SPATA20: variants seen among roughly 807,000 people sequenced by gnomAD.
The protein encoded by SPATA20 is spermatogenesis-associated protein 20.
A neutral mutation model predicts 98.9 loss-of-function variants in SPATA20; 74 were observed. The observed-to-expected ratio is 0.75, with a 90% CI of 0.62 to 0.91. The LOEUF (loss-of-function observed/expected upper bound fraction) is 0.91. Among genes scored for constraint, SPATA20 ranks in the 40% least tolerant of loss-of-function variants. The pLI is 0.00. For missense variants in SPATA20, 1,016 were observed against 1,069.8 expected (o/e 0.95, Z 0.70); for synonymous variants, 430 against 440.5 (o/e 0.98, Z 0.30).
Position 50,555,305 on chromosome 17 carries a change from C to T in SPATA20, c.2231C>T (p.Pro744Leu), listed in dbSNP as rs748963421. ...LVQCVHSVYIPNKVLILADGD... is the reference protein window; with the variant it reads ...LVQCVHSVYILNKVLILADGD... Reference sequence around the variant, plus strand: ...CAGTGCGTCCACTCTGTCTACATTCCTAACAAGGTACCCATCCCTGTGAGC... The same window carrying T: ...CAGTGCGTCCACTCTGTCTACATTCTTAACAAGGTACCCATCCCTGTGAGC... Residue 744 changes from proline to leucine, a missense_variant, in exon 16 of 17, where the codon CCT (proline) becomes CTT (leucine). Pro to Leu is a moderately conservative substitution (Grantham distance 98, BLOSUM62 -3). Coordinates refer to ENST00000006658, the MANE Select transcript of SPATA20 (RefSeq NM_022827.4). The T allele has an allele frequency of 5.6e-6, 9 of 1,613,970 alleles. No homozygotes were observed. In the South Asian group the frequency reaches 9.9e-5, roughly 18 times the overall value.
intron 15 of SPATA20, 25 bp from the exon 16 acceptor site, chr17:50,555,207 G>A (rs770745848): frequency 5.0e-5 from 80 of 1,608,150 alleles, no homozygotes; most frequent in East Asian, 1.6e-4. Context: ...CTGACACACC[G>A]GAGTGACCTT....
rs1251132119 is a variant in SPATA20 at position 50,550,779 on chromosome 17, C to G, written c.1245C>G (p.Ala415=). 6.2e-7 allele frequency: 1 copy of G among 1,613,160 alleles called. No individual in the cohort carries two copies. Among genetic ancestry groups the G allele is most frequent in the Non-Finnish European group, 8.5e-7 (1 of 1,180,034 alleles). Residue 415 remains alanine (A), a synonymous_variant, in exon 11 of 17, where the codon GCC becomes GCG. Transcript: ENST00000006658. ...PERGQRPKEG[A]YYVWTVKEVQ... is the part of the protein sequence containing the mutation. ...GGGGCCAGCGGCCCAAAGAGGGCGC[C>G]TACTATGTGTGGACGGTCAAAGAGG...
At position 50,547,200 on chromosome 17, in the gene SPATA20, C is replaced by T; in HGVS notation, c.-9C>T. ...TCCTCAGCGGCCGGGCCCACGGCCC[C>T]GAGCAGCCATGCTGGGCGCGCGGGC... On this transcript the variant is annotated 5_prime_UTR_variant, in exon 1 of 17. Coordinates refer to ENST00000006658, the MANE Select transcript of SPATA20 (RefSeq NM_022827.4). The T allele has an allele frequency of 7.0e-7, 1 of 1,426,036 alleles. No homozygotes were observed. The highest frequency in any genetic ancestry group is 1.4e-5 in the South Asian group (1 of 69,188). The allele number at this position is 1,426,036 out of a possible 1,614,324, so 88.3% of individuals were successfully genotyped here. A position where few individuals can be genotyped will look rare whatever the true frequency, so the allele number is the denominator to read the frequency against.
At position 50,551,460 on chromosome 17, in the gene SPATA20, C is replaced by T. The variant is rs1282337940; in HGVS notation, c.1577-51C>T. 1.9e-6 allele frequency: 3 copies of T among 1,560,508 alleles called. No individual in the cohort carries two copies. The Admixed American group carries it at 5.2e-5, about 27-fold the overall frequency. ...GCCTAAGGTGATAGGGTGGACATGC[C>T]TGGAGGGTCCTGGCCAGCTTCTTAC... is the stretch of plus-strand genomic sequence containing the variant. On this transcript the variant is annotated intron_variant, in intron 12 of 16. Transcript: ENST00000006658.
At chr17:50,550,421 A>G (rs1349540435) in intron 9 of SPATA20, 109 bp downstream of exon 9, 2 of 1,358,496 alleles carry the variant, frequency 1.5e-6, no homozygotes, top group Non-Finnish European at 2.1e-6. Context: ...GTTCCCTCCC[A>G]TGTACCCACT....
Position 50,548,375 on chromosome 17 carries a change from C to T in SPATA20, c.218C>T (p.Thr73Ile), listed in dbSNP as rs761479715. Reference sequence around the variant, plus strand: ...GGGAAAGGAAGCCATCCTTCATCTACACCCCAGAGGGTCCCCAACCGCCTG... The same window carrying T: ...GGGAAAGGAAGCCATCCTTCATCTATACCCCAGAGGGTCCCCAACCGCCTG... ...AGGKGSHPSS[T>I]PQRVPNRLIH... The change falls in exon 3 of 17, where the codon ACA (threonine) becomes ATA (isoleucine). Residue 73 changes from threonine (T) to isoleucine (I), a missense_variant. Coordinates refer to ENST00000006658, the MANE Select transcript of SPATA20 (RefSeq NM_022827.4). 7 of 1,613,914 alleles carry T rather than the reference C, an allele frequency of 4.3e-6. No homozygotes were observed. The highest frequency in any genetic ancestry group is 3.3e-5 in the Admixed American group (2 of 59,982).
intron 15 of SPATA20, among the ~76,000 whole-genome samples, chr17:50,554,928 T>TGTGTGA (rs2035083719): frequency 7.9e-6 from 1 of 126,378 alleles, no homozygotes; most frequent in South Asian, 2.4e-4. Flanking sequence ...TGTGTGTGTG[T>TGTGTGA]GACTACTCTG....
rs766003758 is a variant in SPATA20, at chr17:50,550,260, A to G, written c.1046A>G (p.Lys349Arg). Residue 349 changes from lysine (K) to arginine (R), a missense_variant, in exon 9 of 17, where the codon AAG (lysine) becomes AGG (arginine). Physicochemically the swap from Lys to Arg is conservative, Grantham distance 26. Coordinates refer to ENST00000006658, the MANE Select transcript of SPATA20 (RefSeq NM_022827.4). Reference protein sequence around the residue: ...DRQWHVPHFEKMLYDQAQLAV... With the variant: ...DRQWHVPHFERMLYDQAQLAV... ...CAGTGGCACGTCCCTCACTTTGAGA[A>G]GATGCTCTATGACCAGGCACAGCTC... The G allele has an allele frequency of 3.7e-6, 6 of 1,610,036 alleles. No individual in the cohort carries two copies. In the East Asian group the frequency reaches 8.9e-5, roughly 24 times the overall value.
At chr17:50,554,472 G>A in intron 15 of SPATA20, 22 bp downstream of exon 15, 1 of 1,605,530 alleles carries the variant, frequency 6.2e-7, no homozygotes, top group South Asian at 1.1e-5. Context: ...GGGCATCTGG[G>A]CTGGGACCTC....
chr17:50,554,507 G>C (rs991278115), intron 15 of SPATA20, 57 bp downstream of exon 15: 2 of 1,548,570 alleles, frequency 1.3e-6, no homozygotes, highest in South Asian at 1.1e-5. Flanking sequence ...TTGGGGCTGC[G>C]ATGGCAGATG....
In SPATA20 at chr17:50,548,226, G is replaced by A. The variant is rs1171135899; in HGVS notation, c.126-57G>A. The A allele has an allele frequency of 3.2e-6, 5 of 1,585,104 alleles. No homozygotes were observed. In the Admixed American group the frequency reaches 5.3e-5, roughly 17 times the overall value. On this transcript the variant is annotated intron_variant, in intron 2 of 16. Transcript: ENST00000006658. ...AGTGAAATGGAGCAGGTGCTGGGGG[G>A]CCTGGGAGAAGGTGGGTGGAGGCCC...
Position 50,547,222 on chromosome 17 carries a change from G to A in SPATA20, c.14G>A (p.Arg5Gln), listed in dbSNP as rs1167048028. MLGA[R>Q]AWLGRVLLLP... ...CCCCGAGCAGCCATGCTGGGCGCGC[G>A]GGCCTGGTTGGGCCGCGTCCTTCTG... The change falls in exon 1 of 17, where the codon CGG (arginine) becomes CAG (glutamine). Residue 5 changes from arginine to glutamine, a missense_variant. Coordinates refer to ENST00000006658, the MANE Select transcript of SPATA20 (RefSeq NM_022827.4). The A allele has an allele frequency of 1.4e-6, 2 of 1,411,772 alleles. No homozygotes were observed. The highest frequency in any genetic ancestry group is 1.5e-5 in the South Asian group (1 of 65,900). The allele number at this position is 1,411,772 out of a possible 1,614,324, so 87.5% of individuals were successfully genotyped here. A position where few individuals can be genotyped will look rare whatever the true frequency, so the allele number is the denominator to read the frequency against.
Position 50,550,587 on chromosome 17 carries a change from G to A in SPATA20, c.1150G>A (p.Val384Met), listed in dbSNP as rs868554895. The change falls in exon 10 of 17, where the codon GTG becomes ATG. Residue 384 changes from valine to methionine, a missense_variant. Coordinates refer to ENST00000006658, the MANE Select transcript of SPATA20 (RefSeq NM_022827.4). ...CGTGGCCAAAGGCATCCTGCAGTAC[G>A]TGGCTCGGAGCCTGAGCCACCGGGT... ...SDVAKGILQYVARSLSHRSGG... is the reference protein window; with the variant it reads ...SDVAKGILQYMARSLSHRSGG... The A allele has an allele frequency of 2.7e-5, 44 of 1,614,038 alleles. No homozygotes were observed. The highest frequency in any genetic ancestry group is 1.6e-4 in the Middle Eastern group (1 of 6,084).
At chr17:50,553,463 G>A (rs1180230457) in intron 14 of SPATA20, among the ~76,000 whole-genome samples, 1 of 152,220 alleles carries the variant, frequency 6.6e-6, no homozygotes, top group Non-Finnish European at 1.5e-5. Flanking sequence ...TGACAGGCCT[G>A]GTGCAGGCAG....
At position 50,555,582 on chromosome 17, in the gene SPATA20, A is replaced by T. The variant is rs1352067563; in HGVS notation, c.2329A>T (p.Thr777Ser). 1 of 1,614,014 alleles carries T rather than the reference A, an allele frequency of 6.2e-7. No homozygotes were observed. The change falls in exon 17 of 17, where the codon ACT (threonine) becomes TCT (serine). Residue 777 changes from threonine to serine, a missense_variant. By Grantham distance (58) the Thr-to-Ser change is moderately conservative. Coordinates refer to ENST00000006658, the MANE Select transcript of SPATA20 (RefSeq NM_022827.4). ...CCTCCGACGGTTGGAAGACCAGGCC[A>T]CTGCATATGTGTGTGAGAATCAAGC... is the stretch of plus-strand genomic sequence containing the variant. The part of the protein sequence containing the change: ...STLRRLEDQA[T>S]AYVCENQACS...
chr17:50,551,591 A>G lies in SPATA20; in HGVS notation c.1657A>G (p.Lys553Glu). 6.2e-7 allele frequency: 1 copy of G among 1,608,046 alleles called. No homozygotes were observed. Among genetic ancestry groups the G allele is most frequent in the Non-Finnish European group, 8.5e-7 (1 of 1,175,232 alleles). The change falls in exon 13 of 17, where the codon AAG becomes GAG. Residue 553 changes from lysine (K) to glutamate (E), a missense_variant. Lys to Glu is a moderately conservative substitution (Grantham distance 56, BLOSUM62 1). Coordinates refer to ENST00000006658, the MANE Select transcript of SPATA20 (RefSeq NM_022827.4). ...RLINYATNGA[K>E]FLKRHMFDVA... ...GATCAACTATGCCACCAATGGTGCCAAGTTCCTGAAGCGGCACATGTTTGA... is the reference window on the plus strand; with the variant it reads ...GATCAACTATGCCACCAATGGTGCCGAGTTCCTGAAGCGGCACATGTTTGA...
rs754379589 is a variant in SPATA20 at position 50,548,960 on chromosome 17, T to G, written c.512T>G (p.Val171Gly). Residue 171 changes from valine to glycine, a missense_variant, in exon 5 of 17, where the codon GTG (valine) becomes GGG (glycine). By Grantham distance (109) the Val-to-Gly change is moderately radical. Transcript: ENST00000006658. ...PDVDKVYMTF[V>G]QATSSGGGWP... ...GTGGACAAGGTGTACATGACGTTCG[T>G]GCAGGTGAGCAGCCCTCCTCGGGAG... The G allele has an allele frequency of 6.2e-7, 1 of 1,614,142 alleles. No individual in the cohort carries two copies. Among genetic ancestry groups the G allele is most frequent in the Non-Finnish European group, 8.5e-7 (1 of 1,180,008 alleles).
chr17:50,549,210 G>T (rs749775090), intron 6 of SPATA20, 24 bp downstream of exon 6: 2 of 1,594,018 alleles, frequency 1.3e-6, no homozygotes, highest in Non-Finnish European at 1.7e-6. Flanking sequence ...CGGGAGTTGG[G>T]GGACCAGGGT....
In SPATA20 at chr17:50,550,198, A is replaced by T. The variant is rs376666552; in HGVS notation, c.994-10A>T. ...AGCTGGGACTGGCCTCCAGCTTTGT[A>T]TCCGCACAGGGCTTTCACCGCTACT... is the stretch of plus-strand genomic sequence containing the variant. On this transcript the variant is annotated splice_polypyrimidine_tract_variant and intron_variant, in intron 8 of 16. Coordinates refer to ENST00000006658, the MANE Select transcript of SPATA20 (RefSeq NM_022827.4). 6.2e-7 allele frequency: 1 copy of T among 1,612,630 alleles called. No homozygotes were observed. The highest frequency in any genetic ancestry group is 8.5e-7 in the Non-Finnish European group (1 of 1,179,746).
Sources: allele counts gnomAD v4.1 joint callset (sites outside exome capture counted in the v4.1 genomes callset), GRCh38; gene constraint gnomAD v4.1.1; transcripts MANE v1.5; gene names NCBI Gene and HGNC (gene_info 2026-07-23, HGNC 2026-07-21).